Variants in CUEDC1 observed in about 807,000 individuals in gnomAD.
CUEDC1 encodes CUE domain containing 1.
A neutral mutation model predicts 43.7 loss-of-function variants in CUEDC1; 30 were observed. The ratio of observed to expected loss-of-function variants is 0.69; its 90% CI spans 0.51 to 0.93. The LOEUF (loss-of-function observed/expected upper bound fraction) is 0.93. Ranked by LOEUF, CUEDC1 falls within the 40% of genes least tolerant of loss-of-function variation. CUEDC1 has a pLI of 0.00. For missense variants in CUEDC1, 486 were observed against 549.0 expected (o/e 0.89, Z 1.15); for synonymous variants, 223 against 223.6 (o/e 1.00, Z 0.02).
chr17:57,865,338 G>A lies in CUEDC1; in HGVS notation c.*3+1136C>T, dbSNP rs181454947. ...GATGTGGTAGGGAGTCAGGTGGAGT[G>A]GGTGTGGGGGCCAGCTGCCCAGGCA... On this transcript the variant is annotated intron_variant, in intron 10 of 10. Transcript: ENST00000577830. Among the ~76,000 whole-genome samples the A allele has an allele frequency of 8.5e-5, 13 of 152,318 alleles. No homozygotes were observed. The East Asian group carries it at 2.3e-3, about 27-fold the overall frequency.
chr17:57,884,164 C>A (rs2074253573), intron 2 of CUEDC1, among the ~76,000 whole-genome samples: 1 of 151,700 alleles, frequency 6.6e-6, no homozygotes, highest in South Asian at 2.1e-4. Context: ...GCTATGCTCC[C>A]AGGATACAGC....
At chr17:57,929,738 C>T (rs9891384) in intron 1 of CUEDC1, among the ~76,000 whole-genome samples, 23,180 of 152,162 alleles carry the variant, frequency 0.15, 1,897 homozygotes, top group African/African-American at 0.18. Flanking sequence ...AGGTTCAGCA[C>T]GTCCCCAGCT....
At chr17:57,908,646 G>A (rs2074552447) in intron 1 of CUEDC1, among the ~76,000 whole-genome samples, 1 of 152,144 alleles carries the variant, frequency 6.6e-6, no homozygotes, top group South Asian at 2.1e-4. Context: ...ATTATTTGTG[G>A]CTGTGTGTGT....
intron 1 of CUEDC1, among the ~76,000 whole-genome samples, chr17:57,931,634 A>G (rs2074804895): frequency 6.6e-6 from 1 of 152,162 alleles, no homozygotes; most frequent in Non-Finnish European, 1.5e-5. Flanking sequence ...GAGACTGGGT[A>G]TTCAAGTTGA....
chr17:57,880,854 C>A (rs888230063), intron 2 of CUEDC1, among the ~76,000 whole-genome samples: 3 of 130,272 alleles, frequency 2.3e-5, no homozygotes, highest in South Asian at 2.4e-4. Flanking sequence ...TAGGGGCGGC[C>A]CCTGACTGGG....
chr17:57,865,132 G>A (rs1030035976), intron 10 of CUEDC1, among the ~76,000 whole-genome samples: 12 of 152,332 alleles, frequency 7.9e-5, no homozygotes, highest in South Asian at 4.1e-4. Flanking sequence ...GACAGGACCC[G>A]TTCTCCCTGG....
chr17:57,935,770 TC>T (rs1307639779), intron 1 of CUEDC1, among the ~76,000 whole-genome samples: 1 of 152,116 alleles, frequency 6.6e-6, no homozygotes, highest in Non-Finnish European at 1.5e-5. Flanking sequence ...CGCCTGGCCG[TC>T]CCACCCCAAT....
At chr17:57,925,177 A>T (rs904005524) in intron 1 of CUEDC1, among the ~76,000 whole-genome samples, 2 of 152,086 alleles carry the variant, frequency 1.3e-5, no homozygotes, top group Non-Finnish European at 2.9e-5. Flanking sequence ...GTAGTACTGA[A>T]ATTATCAGAA....
intron 1 of CUEDC1, among the ~76,000 whole-genome samples, chr17:57,924,849 ACCAAGAGAAC>A (rs1156718617): frequency 1.1e-4 from 17 of 152,294 alleles, no homozygotes; most frequent in African/African-American, 4.1e-4. Context: ...TTAATATTAC[ACCAAGAGAAC>A]CCAAACAAAT....
intron 1 of CUEDC1, among the ~76,000 whole-genome samples, chr17:57,950,666 T>G (rs2143249540): frequency 6.6e-6 from 1 of 152,076 alleles, no homozygotes; most frequent in African/African-American, 2.4e-5. Context: ...AGAGACAGGG[T>G]TTCACCACGT....
At chr17:57,934,224 T>C (rs1197228612) in intron 1 of CUEDC1, among the ~76,000 whole-genome samples, 1 of 152,086 alleles carries the variant, frequency 6.6e-6, no homozygotes, top group Non-Finnish European at 1.5e-5. Context: ...AAAGCCCGTC[T>C]CTACTAAAAA....
chr17:57,924,879 C>A lies in CUEDC1; in HGVS notation c.-316+30346G>T, dbSNP rs541737324. Among the ~76,000 whole-genome samples the A allele has an allele frequency of 4.6e-5, 7 of 152,254 alleles. No individual in the cohort carries two copies. The East Asian group carries it at 1.3e-3, about 29-fold the overall frequency. On this transcript the variant is annotated intron_variant, in intron 1 of 10. Transcript: ENST00000577830. ...GAGAACCCAAACAAATGGCTCCTGA[C>A]TTTCACGCTCCATAAAGTTCTGAGG...
Position 57,885,682 on chromosome 17 carries a change from C to T in CUEDC1, c.-118G>A. 7.7e-7 allele frequency: 1 copy of T among 1,300,512 alleles called. No homozygotes were observed. Among genetic ancestry groups the T allele is most frequent in the Non-Finnish European group, 9.7e-7 (1 of 1,027,702 alleles). 80.6% of individuals were successfully genotyped at this position (1,300,512 alleles called of 1,614,324 possible). The stretch of plus-strand genomic sequence containing the variant: ...TCTCGGGCAGCTCACTCCTGCGCCT[C>T]CTCCTCCCCGGGTAGCCAGGCAGCA... On this transcript the variant is annotated 5_prime_UTR_variant, in exon 2 of 11. Transcript: ENST00000577830.
intron 1 of CUEDC1, among the ~76,000 whole-genome samples, chr17:57,950,344 G>A (rs1314900876): frequency 6.6e-6 from 1 of 152,028 alleles, no homozygotes; most frequent in Non-Finnish European, 1.5e-5. Context: ...TAGAGACGGG[G>A]GTTTCACCAT....
At chr17:57,945,896 G>A (rs1014344001) in intron 1 of CUEDC1, among the ~76,000 whole-genome samples, 2 of 151,882 alleles carry the variant, frequency 1.3e-5, no homozygotes, top group African/African-American at 4.8e-5. Flanking sequence ...GTAATGGAGG[G>A]CGCCTGTAAT....
rs1363071194 is a variant in CUEDC1, at chr17:57,872,830, C to G, written c.617G>C (p.Gly206Ala). The G allele has an allele frequency of 1.2e-6, 2 of 1,613,632 alleles. No individual in the cohort carries two copies. The highest frequency in any genetic ancestry group is 2.2e-5 in the East Asian group (1 of 44,890). Residue 206 changes from glycine to alanine, a missense_variant, in exon 5 of 11, where the codon GGG becomes GCG. Coordinates refer to ENST00000577830, the MANE Select transcript of CUEDC1 (RefSeq NM_001271875.2). Reference protein sequence around the residue: ...IQGNAGGPKPGSGEGCPPAMA... With the variant: ...IQGNAGGPKPASGEGCPPAMA... ...GGCAGGTGGACATCCCTCTCCACTC[C>G]CAGGCTTGGGGCCCCCAGCGTTACC...
chr17:57,892,124 G>A (rs1023932507), intron 1 of CUEDC1, among the ~76,000 whole-genome samples: 1 of 152,156 alleles, frequency 6.6e-6, no homozygotes, highest in Non-Finnish European at 1.5e-5. Context: ...AATGATGGGA[G>A]GGGGCCTTTT....
At chr17:57,953,557 A>G (rs2075027616) in intron 1 of CUEDC1, among the ~76,000 whole-genome samples, 2 of 152,210 alleles carry the variant, frequency 1.3e-5, no homozygotes, top group Non-Finnish European at 2.9e-5. Flanking sequence ...AGAGGTCTCA[A>G]TGGAGGTCCT....
intron 1 of CUEDC1, among the ~76,000 whole-genome samples, chr17:57,908,812 A>G (rs546289935): frequency 2.6e-5 from 4 of 152,318 alleles, no homozygotes; most frequent in Middle Eastern, 3.4e-3. Context: ...CCTGGCTAAC[A>G]CAGTGAAACC....
Sources: gnomAD v4.1 joint callset for allele counts (sites outside exome capture counted in the v4.1 genomes callset) on GRCh38, gnomAD v4.1.1 for gene constraint, MANE v1.5 for transcripts, NCBI Gene and HGNC (gene_info 2026-07-23, HGNC 2026-07-21) for gene names.